LDB3: variants seen among roughly 807,000 people sequenced by gnomAD.
LDB3 encodes the protein LIM domain binding 3.
Under a neutral mutation model 69.0 loss-of-function variants are expected in LDB3, and 49 were observed. The ratio of observed to expected loss-of-function variants is 0.71; its 90% CI spans 0.56 to 0.90. LDB3 has a LOEUF of 0.90. LDB3 is among the 40% of genes least tolerant of loss of function. LDB3 has a pLI of 0.00. For synonymous variants in LDB3, 387 were observed against 396.2 expected (o/e 0.98, Z 0.28); for missense variants, 928 against 974.1 (o/e 0.95, Z 0.63).
intron 10 of LDB3, among the ~76,000 whole-genome samples, chr10:86,717,125 C>A (rs942720388): frequency 1.3e-5 from 2 of 152,120 alleles, no homozygotes; most frequent in African/African-American, 4.8e-5. Context: ...TGGTTTTGAC[C>A]CAGTTTTCCT....
rs1254156143 is a variant in LDB3, at chr10:86,735,824, T to C, written c.*2848T>C. On this transcript the variant is annotated 3_prime_UTR_variant, in exon 14 of 14. Transcript: ENST00000361373. Reference sequence around the variant, plus strand: ...AAATTATAATCACAACTTTTTGCAATGGAGTGACTTATATCTGCAGCTTAT... The same window carrying C: ...AAATTATAATCACAACTTTTTGCAACGGAGTGACTTATATCTGCAGCTTAT... 2 of 149,076 alleles carry C rather than the reference T, an allele frequency of 1.3e-5. No homozygotes were observed. Among genetic ancestry groups the C allele is most frequent in the Non-Finnish European group, 3.0e-5 (2 of 67,324 alleles). The allele number at this position is 149,076 out of a possible 1,614,324, so 9.2% of individuals were successfully genotyped here. A position where few individuals can be genotyped will look rare whatever the true frequency, so the allele number is the denominator to read the frequency against.
Position 86,681,539 on chromosome 10 carries a change from T to TA in LDB3, c.425_426insA (p.Phe142LeufsTer2). 6.2e-7 allele frequency: 1 copy of TA among 1,612,792 alleles called. No individual in the cohort carries two copies. Among genetic ancestry groups the TA allele is most frequent in the Non-Finnish European group, 8.5e-7 (1 of 1,179,806 alleles). On this transcript the variant is annotated frameshift_variant, in exon 5 of 14. Coordinates refer to ENST00000361373, the MANE Select transcript of LDB3 (RefSeq NM_007078.3). LOFTEE classifies it high-confidence loss of function. ...GGCACCCCGGAGCTCAGGCCCACCT[T>TA]TAGCCCTGCCTTCTCCCGGCCCTCC...
At chr10:86,691,715 G>A (rs546295135) in intron 5 of LDB3, among the ~76,000 whole-genome samples, 181 bp from the exon 6 acceptor site, 6 of 152,114 alleles carry the variant, frequency 3.9e-5, no homozygotes, top group East Asian at 1.9e-4. Flanking sequence ...GCTTCACTGC[G>A]ACCAATCTGA....
At chr10:86,689,013 C>T (rs751883950) in intron 5 of LDB3, among the ~76,000 whole-genome samples, 9 of 151,512 alleles carry the variant, frequency 5.9e-5, no homozygotes, top group Non-Finnish European at 1.0e-4. Context: ...TTTAACGCAG[C>T]CACGCTGAGC....
rs727504500 is a variant in LDB3 at position 86,679,473 on chromosome 10, A to G, written c.200A>G (p.Asn67Ser). ...ACCATGACCCACCTGGAAGCCCAGA[A>G]CAAGATCAAGTCTGCCAGCTACAAC... is the stretch of plus-strand genomic sequence containing the variant. ...TDTMTHLEAQNKIKSASYNLS... is the reference protein window; with the variant it reads ...TDTMTHLEAQSKIKSASYNLS... Residue 67 changes from asparagine to serine, a missense_variant, in exon 3 of 14, where the codon AAC becomes AGC. By Grantham distance (46) the Asn-to-Ser change is conservative. Transcript: ENST00000361373. 11 of 1,614,132 alleles carry G rather than the reference A, an allele frequency of 6.8e-6. No individual in the cohort carries two copies. Among genetic ancestry groups the G allele is most frequent in the Non-Finnish European group, 8.5e-6 (10 of 1,180,034 alleles).
At position 86,699,674 on chromosome 10, in the gene LDB3, G is replaced by A; in HGVS notation, c.897-6857G>A. On this transcript the variant is annotated intron_variant, in intron 7 of 13. Coordinates refer to ENST00000361373, the MANE Select transcript of LDB3 (RefSeq NM_007078.3). The surrounding 1 kb of genome is among the most constrained non-coding windows in gnomAD (Gnocchi z 4.9). ...GGGCCTTAGCTGTAGACCAGAGAGG[G>A]CAGGAGGGGTTTGCTGGCATAACAC... 1 of 1,253,564 alleles carries A rather than the reference G, an allele frequency of 8.0e-7. No homozygotes were observed. The allele number at this position is 1,253,564 out of a possible 1,614,324, so 77.7% of individuals were successfully genotyped here. A position where few individuals can be genotyped will look rare whatever the true frequency, so the allele number is the denominator to read the frequency against.
intron 7 of LDB3, among the ~76,000 whole-genome samples, chr10:86,705,872 G>A (rs775507266): frequency 6.6e-6 from 1 of 152,210 alleles, no homozygotes; most frequent in Non-Finnish European, 1.5e-5. Flanking sequence ...GGGAACCCTG[G>A]GGTCCTGCTG....
rs1264996790 is a variant in LDB3 at position 86,716,491 on chromosome 10, G to A, written c.1396G>A (p.Ala466Thr). ...AGCACCAGCCTATACCCCCTCACCT[G>A]CCCCCAACTATAACCCTGCACCCTC... ...SPAPAYTPSP[A>T]PNYNPAPSVA... is the part of the protein sequence containing the mutation. Residue 466 changes from alanine (A) to threonine (T), a missense_variant, in exon 10 of 14, where the codon GCC becomes ACC. By Grantham distance (58) the Ala-to-Thr change is moderately conservative (BLOSUM62 0). Transcript: ENST00000361373. The A allele has an allele frequency of 6.3e-6, 10 of 1,598,804 alleles. No individual in the cohort carries two copies. Among genetic ancestry groups the A allele is most frequent in the Non-Finnish European group, 7.7e-6 (9 of 1,173,200 alleles).
chr10:86,679,336 T>C lies in LDB3; in HGVS notation c.94-31T>C, dbSNP rs753499912. ...CCTTTCCTCAGGACCACCTTCCTTA[T>C]GCTCACCCCCCACCTCCACTATCCA... On this transcript the variant is annotated intron_variant, in intron 2 of 13. Coordinates refer to ENST00000361373, the MANE Select transcript of LDB3 (RefSeq NM_007078.3). 1.5e-5 allele frequency: 25 copies of C among 1,613,918 alleles called. No homozygotes were observed. In the Admixed American group the frequency reaches 3.7e-4, roughly 24 times the overall value.
rs1408850535 is a variant in LDB3 at position 86,718,159 on chromosome 10, T to A, written c.1857+15T>A. 5.6e-6 allele frequency: 9 copies of A among 1,611,628 alleles called. No homozygotes were observed. The highest frequency in any genetic ancestry group is 7.6e-6 in the Non-Finnish European group (9 of 1,177,748). ...AAATTATGGGGGTAAGTGGGAGGCC[T>A]CCATTTCCTCTGACCCATGTCTCTT... On this transcript the variant is annotated intron_variant, in intron 11 of 13. Coordinates refer to ENST00000361373, the MANE Select transcript of LDB3 (RefSeq NM_007078.3).
At position 86,668,659 on chromosome 10, in the gene LDB3, T is replaced by G. The variant is rs755714227; in HGVS notation, c.-23-10T>G. On this transcript the variant is annotated splice_polypyrimidine_tract_variant and intron_variant, in intron 1 of 13. Coordinates refer to ENST00000361373, the MANE Select transcript of LDB3 (RefSeq NM_007078.3). ...CCTCTCACTCAACCCTCTCTACCCTTTGTCTGCAGAGGCGGCCGCTGACAG... is the reference window on the plus strand; with the variant it reads ...CCTCTCACTCAACCCTCTCTACCCTGTGTCTGCAGAGGCGGCCGCTGACAG... The G allele has an allele frequency of 1.3e-6, 2 of 1,555,706 alleles. No individual in the cohort carries two copies. Among genetic ancestry groups the G allele is most frequent in the Non-Finnish European group, 1.8e-6 (2 of 1,127,738 alleles).
intron 9 of LDB3, among the ~76,000 whole-genome samples, chr10:86,714,817 A>G (rs972024976): frequency 1.3e-5 from 2 of 152,152 alleles, no homozygotes; most frequent in African/African-American, 2.4e-5. Flanking sequence ...TCAGCCTCCC[A>G]AAGTGCTGGG....
At chr10:86,688,079 GTGTGTA>G in intron 5 of LDB3, among the ~76,000 whole-genome samples, 1 of 143,890 alleles carries the variant, frequency 6.9e-6, no homozygotes, top group East Asian at 2.2e-4. Context: ...GTGTGTGTGT[GTGTGTA>G]TGTGTCTGTC....
At position 86,709,955 on chromosome 10, in the gene LDB3, C is replaced by A; in HGVS notation, c.1136C>A (p.Ala379Asp). The change falls in exon 9 of 14, where the codon GCC becomes GAC. Residue 379 changes from alanine (A) to aspartate (D), a missense_variant. Coordinates refer to ENST00000361373, the MANE Select transcript of LDB3 (RefSeq NM_007078.3). ...SPAVAASSAP[A>D]THTSYSEGPA... ...GCAGTGGCCGCCTCTTCAGCACCTG[C>A]CACCCACACCAGCTACAGTGAGGGC... The A allele has an allele frequency of 6.2e-7, 1 of 1,612,944 alleles. No individual in the cohort carries two copies. The highest frequency in any genetic ancestry group is 1.1e-5 in the South Asian group (1 of 91,078).
At chr10:86,702,461 G>A (rs1846297068) in intron 7 of LDB3, among the ~76,000 whole-genome samples, 2 of 152,210 alleles carry the variant, frequency 1.3e-5, no homozygotes, top group South Asian at 2.1e-4. Flanking sequence ...CCTTGATGCT[G>A]ACCAGACTGA....
At chr10:86,682,447 G>A (rs1175543839) in intron 5 of LDB3, among the ~76,000 whole-genome samples, 1 of 152,116 alleles carries the variant, frequency 6.6e-6, no homozygotes, top group Non-Finnish European at 1.5e-5. Context: ...TCACCCCTAA[G>A]GTCTAGCTGG....
intron 2 of LDB3, among the ~76,000 whole-genome samples, chr10:86,670,312 G>A (rs1270545493): frequency 6.6e-6 from 1 of 152,146 alleles, no homozygotes; most frequent in African/African-American, 2.4e-5. Flanking sequence ...CTGTGAGCAT[G>A]TGAGCCCCAG....
At chr10:86,719,925 A>G (rs1847016206) in intron 12 of LDB3, among the ~76,000 whole-genome samples, 2 of 152,246 alleles carry the variant, frequency 1.3e-5, no homozygotes, top group African/African-American at 2.4e-5. Flanking sequence ...TAACACAGAC[A>G]TGAAGGCTAA....
chr10:86,725,952 C>T (rs150879659), intron 12 of LDB3, among the ~76,000 whole-genome samples, 185 bp from the exon 13 acceptor site: 5 of 152,278 alleles, frequency 3.3e-5, no homozygotes, highest in African/African-American at 1.2e-4. Context: ...GTCTGAACAA[C>T]ATCAATGCAA....
Sources: gnomAD v4.1 joint callset for allele counts (sites outside exome capture counted in the v4.1 genomes callset) on GRCh38, gnomAD v4.1.1 for gene constraint, Gnocchi (gnomAD v3.1) non-coding constraint, MANE v1.5 for transcripts, NCBI Gene and HGNC (gene_info 2026-07-23, HGNC 2026-07-21) for gene names.